The following CTNNA3 variants were observed in gnomAD, a reference collection of about 807,000 sequenced individuals.
CTNNA3 encodes catenin alpha-3.
A neutral mutation model predicts 95.7 loss-of-function variants in CTNNA3; 76 were observed. That is an observed-to-expected ratio of 0.79 (90% CI 0.66 to 0.96). The LOEUF is 0.96. Ranked by LOEUF, CTNNA3 falls within the 40% of genes least tolerant of loss-of-function variation. CTNNA3 has a pLI of 0.00. For missense variants in CTNNA3, 1,191 were observed against 1,089.8 expected (o/e 1.09, Z -1.31); for synonymous variants, 431 against 374.4 (o/e 1.15, Z -1.74).
chr10:67,209,343 G>T (rs753842597), intron 6 of CTNNA3, among the ~76,000 whole-genome samples: 10 of 151,972 alleles, frequency 6.6e-5, no homozygotes, highest in Non-Finnish European at 1.5e-4. Flanking sequence ...GCCACCGCAC[G>T]GGCCTAATAT....
At chr10:66,155,270 G>T (rs2084431518) in intron 13 of CTNNA3, among the ~76,000 whole-genome samples, 1 of 151,732 alleles carries the variant, frequency 6.6e-6, no homozygotes, top group Admixed American at 6.6e-5. Flanking sequence ...ATTGATATGA[G>T]AACTCATTAT....
At chr10:66,010,883 T>G (rs1000161617) in intron 15 of CTNNA3, among the ~76,000 whole-genome samples, 2 of 152,146 alleles carry the variant, frequency 1.3e-5, no homozygotes, top group Admixed American at 1.3e-4. Flanking sequence ...CTACTAGAGT[T>G]TGGGTCTTGA....
intron 13 of CTNNA3, among the ~76,000 whole-genome samples, chr10:66,105,534 C>G (rs2081858671): frequency 6.6e-6 from 1 of 152,182 alleles, no homozygotes; most frequent in African/African-American, 2.4e-5. Context: ...ATCATCCACT[C>G]CTATAGTTTA....
intron 6 of CTNNA3, among the ~76,000 whole-genome samples, chr10:67,184,079 T>C (rs1296118494): frequency 2.0e-5 from 3 of 152,214 alleles, no homozygotes; most frequent in African/African-American, 7.2e-5. Flanking sequence ...CAAGTATTAT[T>C]GTGATGGAGA....
At chr10:66,702,342 A>C (rs1294079730) in intron 9 of CTNNA3, among the ~76,000 whole-genome samples, 1 of 152,070 alleles carries the variant, frequency 6.6e-6, no homozygotes, top group Non-Finnish European at 1.5e-5. Context: ...TTGAAGGACC[A>C]GGAAGTGAGT....
chr10:67,270,857 T>G (rs1564525694), intron 5 of CTNNA3, among the ~76,000 whole-genome samples: 1 of 152,178 alleles, frequency 6.6e-6, no homozygotes, highest in Non-Finnish European at 1.5e-5. Context: ...GAAAAATTCT[T>G]AAGTCCCCAC....
chr10:67,260,297 A>T (rs1866546955), intron 5 of CTNNA3, among the ~76,000 whole-genome samples: 1 of 152,214 alleles, frequency 6.6e-6, no homozygotes, highest in Non-Finnish European at 1.5e-5. Flanking sequence ...AAGTAGCCAC[A>T]GTGCAGAATG....
intron 1 of CTNNA3, among the ~76,000 whole-genome samples, chr10:67,707,081 C>T (rs1018650188): frequency 6.6e-6 from 1 of 152,138 alleles, no homozygotes; most frequent in Non-Finnish European, 1.5e-5. Context: ...ATCCTACTTA[C>T]AAAATTTGTC....
At chr10:66,038,756 G>A (rs1390932536) in intron 15 of CTNNA3, among the ~76,000 whole-genome samples, 11 of 152,096 alleles carry the variant, frequency 7.2e-5, no homozygotes, top group Non-Finnish European at 1.5e-4. Context: ...AAAATAATAA[G>A]AGCCATCATG....
intron 10 of CTNNA3, among the ~76,000 whole-genome samples, chr10:66,594,368 C>T (rs1036249492): frequency 6.6e-5 from 10 of 152,102 alleles, no homozygotes; most frequent in African/African-American, 2.4e-4. Flanking sequence ...CATCTTGTAC[C>T]CTTATAATCC....
chr10:67,746,811 C>T (rs747506579), intron 1 of CTNNA3, among the ~76,000 whole-genome samples: 9 of 152,298 alleles, frequency 5.9e-5, no homozygotes, highest in African/African-American at 1.2e-4. Context: ...CTGAGCTCCA[C>T]GGGGAAGGGA....
intron 9 of CTNNA3, among the ~76,000 whole-genome samples, chr10:66,675,355 C>T (rs372509774): frequency 1.3e-5 from 2 of 151,302 alleles, no homozygotes; most frequent in African/African-American, 4.8e-5. Flanking sequence ...TAGTCATTTT[C>T]ATGGGGTTAA....
chr10:67,075,263 TA>T (rs943470561), intron 7 of CTNNA3, among the ~76,000 whole-genome samples: 36 of 151,218 alleles, frequency 2.4e-4, no homozygotes, highest in Admixed American at 5.3e-4. Flanking sequence ...AATCTTAAAT[TA>T]AAAAAAAATC....
intron 3 of CTNNA3, among the ~76,000 whole-genome samples, chr10:67,580,633 A>T (rs879909705): frequency 6.4e-4 from 96 of 150,506 alleles, no homozygotes; most frequent in Admixed American, 5.5e-3. Context: ...CATTGAATCT[A>T]TAAATTACCT....
At chr10:67,728,887 A>G (rs997372803) in intron 1 of CTNNA3, among the ~76,000 whole-genome samples, 6 of 152,226 alleles carry the variant, frequency 3.9e-5, no homozygotes, top group African/African-American at 1.4e-4. Context: ...AGAATAGGAC[A>G]ACAAATCTGG....
chr10:66,840,372 T>TCTCTCTCTCA (rs1843023433), intron 7 of CTNNA3, among the ~76,000 whole-genome samples: 16 of 71,372 alleles, frequency 2.2e-4, no homozygotes, highest in African/African-American at 1.1e-3. Context: ...TCTCTCTCTC[T>TCTCTCTCTCA]CACACACACA....
chr10:66,073,695 T>G (rs1256402495), intron 14 of CTNNA3, among the ~76,000 whole-genome samples: 2 of 152,216 alleles, frequency 1.3e-5, no homozygotes, highest in East Asian at 3.9e-4. Flanking sequence ...CTTCTGGTCT[T>G]AATATTCTCC....
At chr10:67,097,928 C>A in intron 7 of CTNNA3, 1 of 735,092 alleles carries the variant, frequency 1.4e-6, no homozygotes, top group Non-Finnish European at 2.2e-6. Context: ...AACAAAAAAT[C>A]CAAGATTGAT....
intron 5 of CTNNA3, among the ~76,000 whole-genome samples, chr10:67,260,548 T>G (rs1866556553): frequency 2.0e-5 from 3 of 152,334 alleles, no homozygotes; most frequent in Non-Finnish European, 2.9e-5. Flanking sequence ...AGAAATTCAT[T>G]CTTCTATAGA....
Sources: allele counts gnomAD v4.1 joint callset (sites outside exome capture counted in the v4.1 genomes callset), GRCh38; gene constraint gnomAD v4.1.1; transcripts MANE v1.5; gene names NCBI Gene and HGNC (gene_info 2026-07-23, HGNC 2026-07-21).